The following ARAP3 variants were observed in gnomAD, a reference collection of about 807,000 sequenced individuals.
The protein encoded by ARAP3 is arf-GAP with Rho-GAP domain, ANK repeat and PH domain-containing protein 3.
A neutral mutation model predicts 169.2 loss-of-function variants in ARAP3; 82 were observed. The ratio of observed to expected loss-of-function variants is 0.48; its 90% confidence interval spans 0.41 to 0.58. ARAP3 has a LOEUF of 0.58. Ranked by LOEUF, ARAP3 falls within the 20% of genes least tolerant of loss-of-function variation. The pLI, the probability that ARAP3 is intolerant of heterozygous loss-of-function variation, is 0.00. For synonymous variants in ARAP3, 791 were observed against 800.3 expected, an observed-to-expected ratio of 0.99 and a Z score of 0.20; for missense variants, 1,764 against 2,018.0, an observed-to-expected ratio of 0.87 and a Z score of 2.41.
rs374788161 is a variant in ARAP3, at chr5:141,662,260, G to A, written c.2801-5C>T. 23 of 1,613,662 alleles carry A rather than the reference G, an allele frequency of 1.4e-5. No individual in the cohort carries two copies. The South Asian group carries it at 2.3e-4, about 16-fold the overall frequency. Reference sequence around the variant, plus strand: ...ATACACCTTCCAGCCGGAGCCCTGAGGAGAGCCAGCCGTCTCTGCTCACCA... The same window carrying A: ...ATACACCTTCCAGCCGGAGCCCTGAAGAGAGCCAGCCGTCTCTGCTCACCA... On this transcript the variant is annotated splice_polypyrimidine_tract_variant and splice_region_variant and intron_variant, in intron 19 of 32. Transcript: ENST00000239440.
At position 141,672,004 on chromosome 5, in the gene ARAP3, AG is replaced by A. The variant is rs2099911517; in HGVS notation, c.1586-25del. On this transcript the variant is annotated intron_variant, in intron 10 of 32. Coordinates refer to ENST00000239440, the MANE Select transcript of ARAP3 (RefSeq NM_022481.6). The surrounding 1 kb of genome is among the most constrained non-coding windows in gnomAD (Gnocchi z 4.9). ...ACCTGTGAGGGTGTGAGGGTGTGTG[AG>A]GGTGTGTGAGGGTGTGAGGGGCATG... 3 of 1,613,772 alleles carry A rather than the reference AG, an allele frequency of 1.9e-6. No individual in the cohort carries two copies. The highest frequency in any genetic ancestry group is 1.7e-6 in the Non-Finnish European group (2 of 1,179,810).
chr5:141,662,615 C>T (rs1325997407), intron 19 of ARAP3, among the ~76,000 whole-genome samples: 1 of 152,200 alleles, frequency 6.6e-6, no homozygotes, highest in African/African-American at 2.4e-5. Context: ...AAAATCAATA[C>T]TTTTGGCATT....
At position 141,680,114 on chromosome 5, in the gene ARAP3, C is replaced by G; in HGVS notation, c.373G>C (p.Val125Leu). The change falls in exon 2 of 33, where the codon GTG becomes CTG. Residue 125 changes from valine (V) to leucine (L), a missense_variant. Val to Leu is a conservative substitution (Grantham distance 32). This residue lies in a region of ARAP3 where 630 missense variants were observed against 678.7 expected (regional missense o/e 0.93). Transcript: ENST00000239440. ...GLSPALGGPG[V>L]SRSPEPSPRP... Reference sequence around the variant, plus strand: ...GGGCTGGGCTCTGGGCTCCTGGACACTCCTGGTCCCCCGAGGGCTGGGCTC... The same window carrying G: ...GGGCTGGGCTCTGGGCTCCTGGACAGTCCTGGTCCCCCGAGGGCTGGGCTC... 6 of 1,612,516 alleles carry G rather than the reference C, an allele frequency of 3.7e-6. No individual in the cohort carries two copies. The highest frequency in any genetic ancestry group is 4.2e-6 in the Non-Finnish European group (5 of 1,179,092).
rs746325954 is a variant in ARAP3, at chr5:141,655,890, G to A, written c.3951C>T (p.Thr1317=). The A allele has an allele frequency of 6.2e-7, 1 of 1,613,964 alleles. No homozygotes were observed. The highest frequency in any genetic ancestry group is 8.5e-7 in the Non-Finnish European group (1 of 1,179,906). ...TCACCTGGGCTTTAAGGATGCTGGT[G>A]GTCCAATCCCACATTTCATCCTCGT... ...CTDEDEMWDW[T]TSILKAQHDD... Residue 1317 remains threonine (T), a synonymous_variant, in exon 30 of 33, where the codon ACC becomes ACT. Transcript: ENST00000239440.
At chr5:141,657,870 C>G (rs943253131) in intron 25 of ARAP3, among the ~76,000 whole-genome samples, 2 of 151,936 alleles carry the variant, frequency 1.3e-5, no homozygotes, top group Non-Finnish European at 2.9e-5. Flanking sequence ...CTAAATTGGT[C>G]TTAGATGTTT....
At chr5:141,655,277 G>A in intron 32 of ARAP3, 85 bp downstream of exon 32, 1 of 1,438,284 alleles carries the variant, frequency 7.0e-7, no homozygotes, top group South Asian at 1.2e-5. Flanking sequence ...TGGCCTACAT[G>A]AGGAAAACAG....
At chr5:141,673,164 G>A (rs1237262258) in intron 6 of ARAP3, 31 bp from the exon 7 acceptor site, 3 of 1,613,680 alleles carry the variant, frequency 1.9e-6, no homozygotes, top group African/African-American at 2.7e-5. Flanking sequence ...GACCCATGAG[G>A]ACAGGAACTG....
At position 141,676,865 on chromosome 5, in the gene ARAP3, C is replaced by A. The variant is rs1596496773; in HGVS notation, c.698+2680G>T. On this transcript the variant is annotated intron_variant, in intron 4 of 32. Transcript: ENST00000239440. The stretch of plus-strand genomic sequence containing the variant: ...TCTCCAGCTCCGACCTCTCTCTAGA[C>A]TCTAAGCTCGTCTACCCAGTGGTCT... Among the ~76,000 whole-genome samples the A allele has an allele frequency of 2.6e-5, 4 of 152,288 alleles. No homozygotes were observed. The East Asian group carries it at 5.8e-4, about 22-fold the overall frequency.
Position 141,655,731 on chromosome 5 carries a change from G to A in ARAP3, c.4000C>T (p.Arg1334Ter), listed in dbSNP as rs746807026. The A allele has an allele frequency of 5.0e-6, 8 of 1,614,062 alleles. No homozygotes were observed. Among genetic ancestry groups the A allele is most frequent in the Non-Finnish European group, 6.8e-6 (8 of 1,180,038 alleles). The part of the protein sequence containing the change: ...QHDDQQPVVL[R>*]RHSSSDLARQ... ...GCAAGGTCAGAGGAGGAATGGCGTC[G>A]TAAGACCACTGGCTGCTGGTCATCG... is the stretch of plus-strand genomic sequence containing the variant. The change falls in exon 31 of 33, where the codon CGA (arginine) becomes TGA (stop). Residue 1334 changes from arginine (R) to a stop codon, truncating the protein, a stop_gained. Transcript: ENST00000239440. LOFTEE classifies it high-confidence loss of function.
chr5:141,668,120 G>A (rs1377452915), intron 16 of ARAP3, among the ~76,000 whole-genome samples: 2 of 151,706 alleles, frequency 1.3e-5, no homozygotes, highest in Non-Finnish European at 2.9e-5. Context: ...AACCCGACCC[G>A]CTTTTTTTTT....
chr5:141,658,318 C>G, intron 25 of ARAP3, 47 bp downstream of exon 25: 1 of 1,572,492 alleles, frequency 6.4e-7, no homozygotes, highest in South Asian at 1.1e-5. Flanking sequence ...CACAACCACA[C>G]ACACGCATAT....
Position 141,656,823 on chromosome 5 carries a change from T to C in ARAP3, c.3550A>G (p.Lys1184Glu). ...ELERPLHPKE[K>E]VLEQALQWCQ... ...CATTGTAAAGCCTGCTCTAAGACCTTTTCCTTGGGATGCAGTGGCCGCTCT... is the reference window on the plus strand; with the variant it reads ...CATTGTAAAGCCTGCTCTAAGACCTCTTCCTTGGGATGCAGTGGCCGCTCT... The change falls in exon 26 of 33, where the codon AAG (lysine) becomes GAG (glutamate). Residue 1184 changes from lysine (K) to glutamate (E), a missense_variant. By Grantham distance (56) the Lys-to-Glu change is moderately conservative. Transcript: ENST00000239440. 1 of 1,613,308 alleles carries C rather than the reference T, an allele frequency of 6.2e-7. No homozygotes were observed. Among genetic ancestry groups the C allele is most frequent in the South Asian group, 1.1e-5 (1 of 90,882 alleles).
rs2099911595 is a variant in ARAP3, at chr5:141,672,585, C to G, written c.1352G>C (p.Ser451Thr). Residue 451 changes from serine to threonine, a missense_variant, in exon 9 of 33, where the codon AGC (serine) becomes ACC (threonine). Ser to Thr is a moderately conservative substitution (Grantham distance 58). Around this residue, in one of 3 missense-constraint regions of ARAP3, gnomAD observed 630 missense variants for 678.7 expected, o/e 0.93. Transcript: ENST00000239440. The surrounding 1 kb of genome is among the most constrained non-coding windows in gnomAD (Gnocchi z 4.9). ...GCGATGGGGTGTGAGCAGGTCAAAG[C>G]TTCGACTCTTGGTCTCCCGGACGCT... The part of the protein sequence containing the change: ...GCSVRETKSR[S>T]FDLLTPHRCF... 1 of 1,614,030 alleles carries G rather than the reference C, an allele frequency of 6.2e-7. No homozygotes were observed. The highest frequency in any genetic ancestry group is 1.1e-5 in the South Asian group (1 of 91,088).
At position 141,672,994 on chromosome 5, in the gene ARAP3, A is replaced by G. The variant is rs1425485991; in HGVS notation, c.1093+19T>C. 3.1e-6 allele frequency: 5 copies of G among 1,613,978 alleles called. No individual in the cohort carries two copies. The African/African-American group carries it at 6.7e-5, about 22-fold the overall frequency. On this transcript the variant is annotated intron_variant, in intron 7 of 32. Transcript: ENST00000239440. This position sits in a 1 kb window ranked among gnomAD's most constrained non-coding sequence, Gnocchi z 4.9. ...GCCTCCCTCCCTCCTGCCCTGACTC[A>G]GGGGGCTGTGGCCCTCACCCTCGCT...
chr5:141,679,941 C>T, intron 2 of ARAP3, 22 bp downstream of exon 2: 2 of 1,613,842 alleles, frequency 1.2e-6, no homozygotes, highest in Non-Finnish European at 1.7e-6. Context: ...GCATCAGTCC[C>T]TAGGGAGCCA....
At chr5:141,656,366 T>C in intron 27 of ARAP3, 90 bp from the exon 28 acceptor site, 1 of 1,595,634 alleles carries the variant, frequency 6.3e-7, no homozygotes, top group East Asian at 2.2e-5. Flanking sequence ...GGGTCTGTGG[T>C]CACAGGGTCA....
At chr5:141,663,137 C>T (rs897938527) in intron 19 of ARAP3, among the ~76,000 whole-genome samples, 2 of 152,040 alleles carry the variant, frequency 1.3e-5, no homozygotes, top group African/African-American at 2.4e-5. Context: ...TTATTTATTA[C>T]CTAAGAGATG....
chr5:141,667,179 G>A (rs2099910764), intron 16 of ARAP3, among the ~76,000 whole-genome samples: 1 of 151,994 alleles, frequency 6.6e-6, no homozygotes, highest in Non-Finnish European at 1.5e-5. Flanking sequence ...ACAGACATGA[G>A]CCACTGCGCC....
intron 19 of ARAP3, among the ~76,000 whole-genome samples, chr5:141,663,559 G>T (rs1196522789): frequency 1.3e-5 from 2 of 152,194 alleles, no homozygotes; most frequent in African/African-American, 2.4e-5. Flanking sequence ...AAAGTGCTGG[G>T]ATTACACACT....
Sources: gnomAD v4.1 joint callset for allele counts (sites outside exome capture counted in the v4.1 genomes callset) on GRCh38, gnomAD v4.1.1 for gene constraint, gnomAD v4.1.1 regional missense constraint, Gnocchi (gnomAD v3.1) non-coding constraint, MANE v1.5 for transcripts, NCBI Gene and HGNC (gene_info 2026-07-23, HGNC 2026-07-21) for gene names.